The following FANCI variants were observed in gnomAD, a reference collection of about 807,000 sequenced individuals.
FANCI encodes FA complementation group I, also known as Fanconi anemia group I protein.
A neutral mutation model predicts 176.1 loss-of-function variants in FANCI; 156 were observed. The observed-to-expected ratio is 0.89, with a 90% CI of 0.78 to 1.01. FANCI has a LOEUF of 1.01. Among genes scored for constraint, FANCI ranks in the 50% least tolerant of loss-of-function variants. The pLI, the probability that FANCI is intolerant of heterozygous loss-of-function variation, is 0.00. For missense variants in FANCI, 1,678 were observed against 1,534.1 expected (o/e 1.09, Z -1.57); for synonymous variants, 613 against 541.7 (o/e 1.13, Z -1.83).
At chr15:89,303,801 T>C in intron 27 of FANCI, 63 bp from the exon 28 acceptor site, 1 of 1,455,032 alleles carries the variant, frequency 6.9e-7, no homozygotes, top group Non-Finnish European at 9.7e-7. Context: ...ACTCTTCTGT[T>C]CTGACAACAC....
rs2053380832 is a variant in FANCI, at chr15:89,275,612, C to T, written c.1113-1099C>T. On this transcript the variant is annotated intron_variant, in intron 12 of 37. Coordinates refer to ENST00000310775, the MANE Select transcript of FANCI (RefSeq NM_001113378.2). ...TTGAGTGTTTTACCCATTGTTAGGC[C>T]TTAAAGCTTTTTAATCTTTGTATCT... is the stretch of plus-strand genomic sequence containing the variant. Among the ~76,000 whole-genome samples, 3 of 152,152 alleles carry T rather than the reference C, an allele frequency of 2.0e-5. No homozygotes were observed. In the South Asian group the frequency reaches 6.2e-4, roughly 32 times the overall value.
intron 9 of FANCI, among the ~76,000 whole-genome samples, chr15:89,267,332 A>AATTTT (rs1491474517): frequency 2.1e-5 from 2 of 94,738 alleles, no homozygotes; most frequent in African/African-American, 5.8e-5. Context: ...AAAAAAAAAA[A>AATTTT]TTTTTTTTTT....
At chr15:89,309,968 G>GT (rs1280286185) in intron 34 of FANCI, among the ~76,000 whole-genome samples, 4 of 152,166 alleles carry the variant, frequency 2.6e-5, no homozygotes, top group Non-Finnish European at 1.5e-5. Flanking sequence ...TGTCTGATGT[G>GT]TTAAGCTCTT....
intron 2 of FANCI, among the ~76,000 whole-genome samples, chr15:89,252,671 T>C (rs562325933): frequency 9.7e-4 from 147 of 152,076 alleles, no homozygotes; most frequent in African/African-American, 3.2e-3. Context: ...ACCCGGGAGG[T>C]GGAAGTTGCA....
chr15:89,270,416 CCAA>C (rs1264908716), intron 10 of FANCI, among the ~76,000 whole-genome samples: 4 of 152,228 alleles, frequency 2.6e-5, no homozygotes, highest in Admixed American at 6.5e-5. Flanking sequence ...AATCCTTTTC[CCAA>C]CAACATTTCA....
intron 3 of FANCI, among the ~76,000 whole-genome samples, chr15:89,259,835 C>T (rs2052641823): frequency 6.6e-6 from 1 of 152,158 alleles, no homozygotes; most frequent in Non-Finnish European, 1.5e-5. Context: ...TTTATTTTTA[C>T]TGCTGAATAA....
intron 10 of FANCI, among the ~76,000 whole-genome samples, chr15:89,269,817 GT>G (rs578190068): frequency 3.1e-4 from 44 of 141,776 alleles, no homozygotes; most frequent in Non-Finnish European, 3.9e-4. Context: ...CCTTTGATTT[GT>G]TTTTTTTTTT....
chr15:89,297,478 A>G (rs1440355788), intron 24 of FANCI, among the ~76,000 whole-genome samples: 2 of 152,150 alleles, frequency 1.3e-5, no homozygotes, highest in Non-Finnish European at 2.9e-5. Flanking sequence ...ACCATTGAGC[A>G]CTGAGTGAAC....
chr15:89,288,736 A>G (rs1210284669), intron 18 of FANCI, among the ~76,000 whole-genome samples: 1 of 151,364 alleles, frequency 6.6e-6, no homozygotes, highest in African/African-American at 2.4e-5. Context: ...CTCTTGCCTC[A>G]GCCCCATCCC....
Position 89,316,932 on chromosome 15 carries a change from G to T in FANCI, c.*473G>T. ...TGCTAAGGTCAAAAGGAGAGTGAAAGGTTGAGAACAATTGCCACGAACGGT... is the reference window on the plus strand; with the variant it reads ...TGCTAAGGTCAAAAGGAGAGTGAAATGTTGAGAACAATTGCCACGAACGGT... On this transcript the variant is annotated 3_prime_UTR_variant, in exon 38 of 38. Coordinates refer to ENST00000310775, the MANE Select transcript of FANCI (RefSeq NM_001113378.2). The T allele has an allele frequency of 1.2e-6, 1 of 850,944 alleles. No homozygotes were observed. 52.7% of individuals were successfully genotyped at this position (850,944 alleles called of 1,614,324 possible). A position where few individuals can be genotyped will look rare whatever the true frequency, so the allele number is the denominator to read the frequency against.
chr15:89,285,089 C>A lies in FANCI; in HGVS notation c.1699-7C>A, dbSNP rs28446881. ...GATAGACGTGAATTGGCCTGTCTTC[C>A]TTTCAGGTTCATGTGGATGTTCACA... On this transcript the variant is annotated splice_region_variant and splice_polypyrimidine_tract_variant and intron_variant, in intron 17 of 37. Transcript: ENST00000310775. The A allele has an allele frequency of 1.1e-3, 1,787 of 1,613,992 alleles. 12 individuals carry two copies. In the African/African-American group the frequency reaches 0.016, roughly 15 times the overall value.
intron 26 of FANCI, 135 bp from the exon 27 acceptor site, chr15:89,301,191 A>AT: frequency 1.3e-6 from 1 of 753,086 alleles, no homozygotes; most frequent in Admixed American, 1.8e-5. Context: ...GTATTTTCAG[A>AT]TTTTATCCTC....
chr15:89,278,599 A>T, intron 13 of FANCI, 88 bp from the exon 14 acceptor site: 1 of 931,478 alleles, frequency 1.1e-6, no homozygotes, highest in African/African-American at 1.6e-5. Flanking sequence ...TCATATCCAA[A>T]CGGTTCTTCA....
chr15:89,248,274 CT>C (rs2052079248), intron 2 of FANCI, among the ~76,000 whole-genome samples: 1 of 152,174 alleles, frequency 6.6e-6, no homozygotes, highest in South Asian at 2.1e-4. Context: ...TGATATACTG[CT>C]CCTTTTTCCA....
At position 89,301,328 on chromosome 15, in the gene FANCI, G is replaced by C; in HGVS notation, c.2892G>C (p.Arg964Ser). The C allele has an allele frequency of 6.2e-7, 1 of 1,609,048 alleles. No homozygotes were observed. Among genetic ancestry groups the C allele is most frequent in the Non-Finnish European group, 8.5e-7 (1 of 1,175,434 alleles). Residue 964 changes from arginine to serine, a missense_variant and splice_region_variant, in exon 27 of 38, where the codon AGG becomes AGC. Arg to Ser is a moderately radical substitution (Grantham distance 110). Coordinates refer to ENST00000310775, the MANE Select transcript of FANCI (RefSeq NM_001113378.2). ...CTGTGTGTGCCTTCCTTTCTCAGAGGTCCTTGTTGAATTTACTTAGCAGTC... is the reference window on the plus strand; with the variant it reads ...CTGTGTGTGCCTTCCTTTCTCAGAGCTCCTTGTTGAATTTACTTAGCAGTC... The part of the protein sequence containing the change: ...RTAFQIRQFQ[R>S]SLLNLLSSQE...
At chr15:89,297,283 G>C (rs1361578714) in intron 24 of FANCI, among the ~76,000 whole-genome samples, 1 of 151,890 alleles carries the variant, frequency 6.6e-6, no homozygotes, top group Admixed American at 6.5e-5. Flanking sequence ...TGGGATGGCG[G>C]CCGGGAAGAG....
At chr15:89,282,191 A>G (rs2053640901) in intron 16 of FANCI, 2 of 308,832 alleles carry the variant, frequency 6.5e-6, no homozygotes, top group South Asian at 6.3e-5. Context: ...TTGCTCTACT[A>G]CATTAGAATA....
intron 2 of FANCI, among the ~76,000 whole-genome samples, chr15:89,251,007 A>T (rs2052224169): frequency 6.6e-6 from 1 of 152,056 alleles, no homozygotes; most frequent in East Asian, 1.9e-4. Context: ...AGAACAGAAA[A>T]ATAGTGGATC....
chr15:89,261,128 C>T (rs1266020875), intron 4 of FANCI, among the ~76,000 whole-genome samples: 2 of 151,868 alleles, frequency 1.3e-5, no homozygotes, highest in South Asian at 2.1e-4. Context: ...AAAAATTAGC[C>T]GGGCTCGTGG....
Sources: gnomAD v4.1 joint callset for allele counts (sites outside exome capture counted in the v4.1 genomes callset) on GRCh38, gnomAD v4.1.1 for gene constraint, MANE v1.5 for transcripts, NCBI Gene and HGNC (gene_info 2026-07-23, HGNC 2026-07-21) for gene names.